RBMS3: variants seen among roughly 807,000 people sequenced by gnomAD.
RBMS3 encodes RNA binding motif single stranded interacting protein 3.
A neutral mutation model predicts 66.8 loss-of-function variants in RBMS3; 27 were observed. The ratio of observed to expected loss-of-function variants is 0.40; its 90% CI spans 0.30 to 0.56. The LOEUF is 0.56. Among genes scored for constraint, RBMS3 ranks in the 20% least tolerant of loss-of-function variants. RBMS3 has a pLI of 0.40. For synonymous variants in RBMS3, 188 were observed against 183.0 expected, an observed-to-expected ratio of 1.03 and a Z score of -0.22; for missense variants, 513 against 549.5, an observed-to-expected ratio of 0.93 and a Z score of 0.66.
chr3:29,561,246 A>G (rs1356568546), intron 3 of RBMS3, among the ~76,000 whole-genome samples: 5 of 152,166 alleles, frequency 3.3e-5, no homozygotes, highest in Non-Finnish European at 1.5e-5. Flanking sequence ...TTCCTTTGGT[A>G]TATACCCAGT....
chr3:29,517,174 C>A (rs1212781441), intron 3 of RBMS3, among the ~76,000 whole-genome samples: 2 of 151,842 alleles, frequency 1.3e-5, no homozygotes, highest in African/African-American at 4.8e-5. Context: ...GGTTGCGTCA[C>A]TGCACTCCAG....
At chr3:29,362,796 A>C (rs541906901) in intron 1 of RBMS3, among the ~76,000 whole-genome samples, 1 of 152,224 alleles carries the variant, frequency 6.6e-6, no homozygotes, top group South Asian at 2.1e-4. Context: ...AATTTTGACT[A>C]TACTTGAGCT....
At chr3:29,660,509 C>T (rs2050502459) in intron 4 of RBMS3, among the ~76,000 whole-genome samples, 1 of 152,104 alleles carries the variant, frequency 6.6e-6, no homozygotes, top group African/African-American at 2.4e-5. Flanking sequence ...AATTGGAGAG[C>T]TTAATTCGTT....
chr3:29,653,122 GCTCAGAAAT>G (rs1350556939), intron 4 of RBMS3, among the ~76,000 whole-genome samples: 1 of 152,106 alleles, frequency 6.6e-6, no homozygotes, highest in East Asian at 1.9e-4. Context: ...GTTAAGATTT[GCTCAGAAAT>G]TGTGGTGGTG....
intron 3 of RBMS3, among the ~76,000 whole-genome samples, chr3:29,543,109 T>G (rs2045826259): frequency 6.6e-6 from 1 of 151,940 alleles, no homozygotes. Flanking sequence ...GGAAGCAGAG[T>G]GAAAGCCATG....
intron 14 of RBMS3, among the ~76,000 whole-genome samples, chr3:30,001,770 CTTTT>C (rs942920769): frequency 1.1e-4 from 16 of 150,208 alleles, no homozygotes; most frequent in African/African-American, 2.2e-4. Context: ...CAAGTTATTT[CTTTT>C]TATTTTATTT....
chr3:29,793,562 G>C (rs1461302351), intron 6 of RBMS3, among the ~76,000 whole-genome samples: 1 of 152,148 alleles, frequency 6.6e-6, no homozygotes, highest in Non-Finnish European at 1.5e-5. Context: ...TCTTATTTAA[G>C]AAATGTATTC....
intron 3 of RBMS3, among the ~76,000 whole-genome samples, chr3:29,514,650 CATATATATATAT>C (rs10601940): frequency 1.7e-4 from 18 of 103,690 alleles, no homozygotes; most frequent in Non-Finnish European, 3.0e-4. Context: ...GTGATAGGCA[CATATATATATAT>C]ATATATATAT....
chr3:29,540,331 A>G (rs2045711973), intron 3 of RBMS3, among the ~76,000 whole-genome samples: 1 of 152,118 alleles, frequency 6.6e-6, no homozygotes, highest in African/African-American at 2.4e-5. Flanking sequence ...ATTTGTTTAT[A>G]TTTCTTTATT....
intron 1 of RBMS3, among the ~76,000 whole-genome samples, chr3:29,389,781 A>G (rs1024545565): frequency 2.6e-4 from 39 of 152,062 alleles, no homozygotes; most frequent in African/African-American, 9.2e-4. Flanking sequence ...TTGTTCACTA[A>G]ATGGAAGTTG....
rs544025572 is a variant in RBMS3 at position 29,572,800 on chromosome 3, A to G, written c.308-14314A>G. Among the ~76,000 whole-genome samples, 187 of 152,232 alleles carry G rather than the reference A, an allele frequency of 1.2e-3. 1 individual carries two copies. The highest frequency in any genetic ancestry group is 4.1e-3 in the African/African-American group (172 of 41,558). On this transcript the variant is annotated intron_variant, in intron 3 of 14. Transcript: ENST00000383767. ...GGTCTCATAGAATGAATTTGAAATT[A>G]TTTCCTCCTCCCCTATTTTTCAGAA...
intron 3 of RBMS3, among the ~76,000 whole-genome samples, chr3:29,497,426 T>C (rs17023737): frequency 0.071 from 10,785 of 152,304 alleles, 467 homozygotes; most frequent in East Asian, 0.16. Flanking sequence ...CCATGTTATC[T>C]GACTAAACAG....
chr3:29,775,272 T>G (rs982383847), intron 6 of RBMS3, among the ~76,000 whole-genome samples: 1 of 151,550 alleles, frequency 6.6e-6, no homozygotes. Flanking sequence ...TTTATTTTTT[T>G]TTTTTGGTAA....
intron 1 of RBMS3, among the ~76,000 whole-genome samples, chr3:29,434,378 T>G (rs2125724157): frequency 6.6e-6 from 1 of 152,260 alleles, no homozygotes; most frequent in South Asian, 2.1e-4. Context: ...AAAGGTAAGC[T>G]AGGGTCAGAG....
At chr3:29,464,925 A>G (rs746310322) in intron 2 of RBMS3, among the ~76,000 whole-genome samples, 2 of 152,188 alleles carry the variant, frequency 1.3e-5, no homozygotes, top group Non-Finnish European at 2.9e-5. Context: ...ATGTCTGTGA[A>G]CCTGAATTCA....
chr3:29,771,788 C>T (rs1278260418), intron 6 of RBMS3, among the ~76,000 whole-genome samples: 2 of 151,918 alleles, frequency 1.3e-5, no homozygotes, highest in Admixed American at 6.6e-5. Context: ...GCAGGCATGA[C>T]CTACATGGCT....
intron 12 of RBMS3, among the ~76,000 whole-genome samples, chr3:29,975,542 TATC>T (rs1697528283): frequency 6.6e-6 from 1 of 151,972 alleles, no homozygotes; most frequent in Non-Finnish European, 1.5e-5. Context: ...ATATGCATAT[TATC>T]GTTTACATCA....
chr3:29,612,622 G>A (rs2048530125), intron 4 of RBMS3, among the ~76,000 whole-genome samples: 1 of 151,888 alleles, frequency 6.6e-6, no homozygotes, highest in African/African-American at 2.4e-5. Context: ...AGATGAAAAA[G>A]TAGCCATGTA....
At chr3:29,796,791 C>G (rs369789803) in intron 6 of RBMS3, among the ~76,000 whole-genome samples, 10 of 145,450 alleles carry the variant, frequency 6.9e-5, no homozygotes, top group Non-Finnish European at 7.4e-5. Context: ...CAGCTCACTG[C>G]AACCTCCACC....
Sources: allele counts gnomAD v4.1 joint callset (sites outside exome capture counted in the v4.1 genomes callset), GRCh38; gene constraint gnomAD v4.1.1; transcripts MANE v1.5; gene names NCBI Gene and HGNC (gene_info 2026-07-23, HGNC 2026-07-21).